PTBP2: variants seen among roughly 807,000 people sequenced by gnomAD.
PTBP2 encodes polypyrimidine tract-binding protein 2.
In PTBP2, 13 loss-of-function variants were observed where a neutral mutation model predicts 61.4. The observed-to-expected ratio is 0.21, with a 90% CI of 0.14 to 0.34. The LOEUF is 0.34. Ranked by LOEUF, PTBP2 falls within the 10% of genes least tolerant of loss-of-function variation. The pLI is 1.00. For synonymous variants in PTBP2, 215 were observed against 218.5 expected, an observed-to-expected ratio of 0.98 and a Z score of 0.14; for missense variants, 405 against 642.6, an observed-to-expected ratio of 0.63 and a Z score of 4.00.
intron 2 of PTBP2, among the ~76,000 whole-genome samples, chr1:96,747,475 A>G (rs946629752): frequency 6.6e-6 from 1 of 152,092 alleles, no homozygotes; most frequent in Non-Finnish European, 1.5e-5. Flanking sequence ...TGCTTTTTAT[A>G]TTTATCAGAA....
chr1:96,771,432 ATAT>A, intron 5 of PTBP2: 1 of 151,910 alleles, frequency 6.6e-6, no homozygotes, highest in Non-Finnish European at 1.5e-5. Context: ...AAAACTAATG[ATAT>A]CTTTCTCTGT....
chr1:96,773,324 C>G (rs1483925204), intron 5 of PTBP2, among the ~76,000 whole-genome samples: 1 of 151,880 alleles, frequency 6.6e-6, no homozygotes, highest in Non-Finnish European at 1.5e-5. Flanking sequence ...GAAAAAAATG[C>G]TTTTATAATT....
exon 14 of PTBP2, chr1:96,821,597 G>T (rs1010255691): frequency 1.3e-5 from 2 of 151,582 alleles, no homozygotes; most frequent in Non-Finnish European, 2.9e-5. Context: ...TGGATTACTA[G>T]CCACATAAAT....
At chr1:96,790,825 A>G (rs1659707617) in intron 8 of PTBP2, among the ~76,000 whole-genome samples, 1 of 152,086 alleles carries the variant, frequency 6.6e-6, no homozygotes, top group African/African-American at 2.4e-5. Context: ...TAATTATTTA[A>G]TTTGGCCTTG....
At position 96,791,826 on chromosome 1, in the gene PTBP2, C is replaced by CTTTTTTTTGTTTTTTTTTTGTTT. The variant is rs1482989030; in HGVS notation, c.904+6580_904+6581insGTTTTTTTTTTGTTTTTTTTTTT. On this transcript the variant is annotated intron_variant, in intron 8 of 13. Transcript: ENST00000674951. ...TCCACCTCTGTTGCTTGGAGTTGTG[C>CTTTTTTTTGTTTTTTTTTTGTTT]TTTTTTTTTTTTTTTTTTTTTTTGA... 8.8e-4 allele frequency among the ~76,000 whole-genome samples: 58 copies of CTTTTTTTTGTTTTTTTTTTGTTT among 66,118 alleles called. 2 individuals carry two copies. Among genetic ancestry groups the CTTTTTTTTGTTTTTTTTTTGTTT allele is most frequent in the South Asian group, 1.7e-3 (3 of 1,740 alleles). 43.4% of individuals were successfully genotyped at this position (66,118 alleles called of 152,430 possible). A position where few individuals can be genotyped will look rare whatever the true frequency, so the allele number is the denominator to read the frequency against.
At chr1:96,743,211 C>T (rs528918158) in intron 2 of PTBP2, among the ~76,000 whole-genome samples, 9 of 151,062 alleles carry the variant, frequency 6.0e-5, no homozygotes, top group Admixed American at 2.6e-4. Context: ...GGTGTGAACC[C>T]GGGAGGCGGA....
At chr1:96,794,939 T>A (rs1214803604) in intron 8 of PTBP2, among the ~76,000 whole-genome samples, 1 of 152,188 alleles carries the variant, frequency 6.6e-6, no homozygotes, top group Non-Finnish European at 1.5e-5. Flanking sequence ...TGGGACAAGA[T>A]CTTAAAACCA....
At chr1:96,781,106 A>G (rs1658614152) in intron 7 of PTBP2, among the ~76,000 whole-genome samples, 1 of 152,060 alleles carries the variant, frequency 6.6e-6, no homozygotes, top group South Asian at 2.1e-4. Flanking sequence ...TAATGTCAAT[A>G]TTGGCATAAA....
intron 3 of PTBP2, among the ~76,000 whole-genome samples, chr1:96,767,294 G>A (rs1364934757): frequency 6.6e-6 from 1 of 151,970 alleles, no homozygotes; most frequent in Non-Finnish European, 1.5e-5. Context: ...TTGCCTTTTG[G>A]GAATTATTTT....
At chr1:96,755,554 A>G (rs1655055963) in intron 3 of PTBP2, among the ~76,000 whole-genome samples, 2 of 152,230 alleles carry the variant, frequency 1.3e-5, no homozygotes, top group African/African-American at 4.8e-5. Context: ...TTTATTTGTA[A>G]TCACCAAAAT....
intron 11 of PTBP2, among the ~76,000 whole-genome samples, chr1:96,808,060 T>C (rs1210060862): frequency 6.6e-6 from 1 of 152,168 alleles, no homozygotes. Flanking sequence ...CCCTAATTGT[T>C]TGAGGTATGG....
At position 96,807,491 on chromosome 1, in the gene PTBP2, T is replaced by C. The variant is rs886516461; in HGVS notation, c.1171+533T>C. ...TAATTGATTATTTTAATTAAACTTA[T>C]GTCGTTTGACTTCATACATCCTCGA... is the stretch of plus-strand genomic sequence containing the variant. On this transcript the variant is annotated intron_variant, in intron 11 of 13. Transcript: ENST00000674951. Among the ~76,000 whole-genome samples the C allele has an allele frequency of 9.8e-5, 15 of 152,326 alleles. No homozygotes were observed. The East Asian group carries it at 1.2e-3, about 12-fold the overall frequency.
chr1:96,793,479 G>C (rs1660062624), intron 8 of PTBP2, among the ~76,000 whole-genome samples: 1 of 151,874 alleles, frequency 6.6e-6, no homozygotes, highest in Admixed American at 6.6e-5. Context: ...ACGCCATTCT[G>C]CCGCCTCAGC....
chr1:96,733,112 C>T (rs903993448), intron 2 of PTBP2, among the ~76,000 whole-genome samples: 27 of 150,564 alleles, frequency 1.8e-4, no homozygotes, highest in African/African-American at 6.6e-4. Context: ...CACAGGTGGG[C>T]TAAAATCAAG....
intron 11 of PTBP2, 95 bp downstream of exon 11, chr1:96,807,053 T>G (rs1227922396): frequency 4.5e-6 from 4 of 881,716 alleles, no homozygotes; most frequent in Non-Finnish European, 6.8e-6. Context: ...TTTACATCAG[T>G]AAGAAATTAT....
intron 7 of PTBP2, among the ~76,000 whole-genome samples, chr1:96,780,407 T>C (rs993252506): frequency 7.9e-5 from 12 of 152,058 alleles, no homozygotes; most frequent in Non-Finnish European, 1.6e-4. Context: ...AGTCTATCTT[T>C]GTTGTTTATT....
At chr1:96,775,391 A>C (rs1429482951) in intron 5 of PTBP2, among the ~76,000 whole-genome samples, 1 of 152,194 alleles carries the variant, frequency 6.6e-6, no homozygotes, top group Non-Finnish European at 1.5e-5. Flanking sequence ...AATCATCCAA[A>C]TGTTCAACAG....
At chr1:96,799,294 C>CTTTTTTTTT (rs373815292) in intron 8 of PTBP2, among the ~76,000 whole-genome samples, 2,173 of 92,076 alleles carry the variant, frequency 0.024, 396 homozygotes, top group African/African-American at 0.09. Context: ...ATAGATCAAG[C>CTTTTTTTTT]TTTTTTTTTT....
At chr1:96,760,015 T>G (rs1015560798) in intron 3 of PTBP2, among the ~76,000 whole-genome samples, 4 of 152,096 alleles carry the variant, frequency 2.6e-5, no homozygotes, top group African/African-American at 9.7e-5. Context: ...TGAGACTTAC[T>G]TCACTGTCAC....
Sources: allele counts gnomAD v4.1 joint callset (sites outside exome capture counted in the v4.1 genomes callset), GRCh38; gene constraint gnomAD v4.1.1; transcripts MANE v1.5; gene names NCBI Gene and HGNC (gene_info 2026-07-23, HGNC 2026-07-21).